Variants in UFSP2 observed in about 807,000 individuals in gnomAD.
UFSP2 encodes UFM1 specific peptidase 2, also known as ufm1-specific protease 2.
A neutral mutation model predicts 60.2 loss-of-function variants in UFSP2; 43 were observed. The ratio of observed to expected loss-of-function variants is 0.71; its 90% CI spans 0.56 to 0.92. The LOEUF is 0.92. Ranked by LOEUF, UFSP2 falls within the 40% of genes least tolerant of loss-of-function variation. The pLI is 0.00. For synonymous variants in UFSP2, 183 were observed against 195.1 expected (o/e 0.94, Z 0.52); for missense variants, 520 against 575.0 (o/e 0.90, Z 0.98).
intron 11 of UFSP2, chr4:185,402,169 C>G (rs1380075587): frequency 1.4e-5 from 5 of 351,010 alleles, no homozygotes; most frequent in Non-Finnish European, 2.8e-5. Flanking sequence ...AAGGTTTTAG[C>G]TCCCGAAAAA....
intron 6 of UFSP2, among the ~76,000 whole-genome samples, chr4:185,414,927 C>T (rs1223209907): frequency 2.0e-5 from 3 of 152,078 alleles, no homozygotes; most frequent in African/African-American, 4.8e-5. Context: ...CCACACCGAG[C>T]ATTTAAAATT....
rs547373836 is a variant in UFSP2 at position 185,418,668 on chromosome 4, A to G, written c.185T>C (p.Ile62Thr). 14 of 1,614,072 alleles carry G rather than the reference A, an allele frequency of 8.7e-6. No individual in the cohort carries two copies. The South Asian group carries it at 1.5e-4, about 18-fold the overall frequency. ...GGTGTTTATGTCACTGCTAGGCCAT[A>G]TATACACTGAACTGTGGCAAATTCT... is the stretch of plus-strand genomic sequence containing the variant. ...VFRICHSSVYIWPSSDINTIP... is the reference protein window; with the variant it reads ...VFRICHSSVYTWPSSDINTIP... The change falls in exon 3 of 12, where the codon ATA becomes ACA. Residue 62 changes from isoleucine (I) to threonine (T), a missense_variant. Ile to Thr is a moderately conservative substitution (Grantham distance 89). Transcript: ENST00000264689.
intron 1 of UFSP2, 109 bp downstream of exon 1, chr4:185,425,757 C>A (rs2095558793): frequency 6.6e-7 from 1 of 1,514,268 alleles, no homozygotes; most frequent in African/African-American, 1.4e-5. Flanking sequence ...CAGCTGCCAT[C>A]TTGGACCCCG....
At chr4:185,421,299 C>G (rs942562771) in intron 2 of UFSP2, among the ~76,000 whole-genome samples, 2 of 152,216 alleles carry the variant, frequency 1.3e-5, no homozygotes, top group Non-Finnish European at 2.9e-5. Context: ...CAGCTGCAAT[C>G]TCCTTCAAGG....
In UFSP2 at chr4:185,419,233, G is replaced by A. The variant is rs1295704897; in HGVS notation, c.83-463C>T. On this transcript the variant is annotated intron_variant, in intron 2 of 11. Coordinates refer to ENST00000264689, the MANE Select transcript of UFSP2 (RefSeq NM_018359.5). ...TGCAAGCTCCGCCTCCCGGGTTCAC[G>A]CCATTCTCCTGCCTCAGCCTCCCGA... is the stretch of plus-strand genomic sequence containing the variant. 2.6e-5 allele frequency among the ~76,000 whole-genome samples: 4 copies of A among 152,112 alleles called. No homozygotes were observed. In the East Asian group the frequency reaches 5.8e-4, roughly 22 times the overall value.
At chr4:185,406,625 G>A (rs2095520792) in intron 9 of UFSP2, among the ~76,000 whole-genome samples, 1 of 152,168 alleles carries the variant, frequency 6.6e-6, no homozygotes, top group South Asian at 2.1e-4. Flanking sequence ...GCCCAGGCTG[G>A]AGTGGAGTGG....
At chr4:185,400,514 A>G in intron 11 of UFSP2, 36 bp from the exon 12 acceptor site, 1 of 1,510,950 alleles carries the variant, frequency 6.6e-7, no homozygotes, top group East Asian at 2.3e-5. Flanking sequence ...AGCCTTTTAC[A>G]AAGTTACAAG....
chr4:185,405,724 A>G lies in UFSP2; in HGVS notation c.1198+56T>C, dbSNP rs1420313570. On this transcript the variant is annotated intron_variant, in intron 10 of 11. Transcript: ENST00000264689. ...TATGCAACATTAAATATTTATATCA[A>G]TGATAAGTTTTGCATATTACTCACT... 2.6e-6 allele frequency: 4 copies of G among 1,542,776 alleles called. No homozygotes were observed. In the African/African-American group the frequency reaches 4.1e-5, roughly 16 times the overall value.
chr4:185,408,649 C>T (rs1342504847), intron 7 of UFSP2, among the ~76,000 whole-genome samples: 1 of 152,190 alleles, frequency 6.6e-6, no homozygotes, highest in Non-Finnish European at 1.5e-5. Flanking sequence ...CAGGACCTAC[C>T]TTCTGGCCTC....
intron 10 of UFSP2, among the ~76,000 whole-genome samples, chr4:185,403,832 C>T (rs1277734747): frequency 1.3e-5 from 2 of 151,640 alleles, no homozygotes; most frequent in Non-Finnish European, 2.9e-5. Context: ...AAAAAAATAG[C>T]TGGGCTTGGT....
At chr4:185,406,039 A>G in intron 9 of UFSP2, 183 bp from the exon 10 acceptor site, 2 of 1,315,932 alleles carry the variant, frequency 1.5e-6, no homozygotes, top group South Asian at 1.3e-5. Context: ...AAGCAACATA[A>G]ACTCAAAATA....
At chr4:185,406,842 C>T (rs1431128542) in intron 9 of UFSP2, among the ~76,000 whole-genome samples, 1 of 152,060 alleles carries the variant, frequency 6.6e-6, no homozygotes, top group African/African-American at 2.4e-5. Flanking sequence ...TCCCAAAGTG[C>T]TGGGATTACA....
chr4:185,422,131 G>C (rs1236135805), intron 2 of UFSP2, among the ~76,000 whole-genome samples: 1 of 152,180 alleles, frequency 6.6e-6, no homozygotes, highest in Admixed American at 6.5e-5. Context: ...AAGAGAGTAG[G>C]TTCTGGAGAC....
intron 7 of UFSP2, among the ~76,000 whole-genome samples, chr4:185,408,950 ATGACT>A (rs1424495938): frequency 6.6e-6 from 1 of 152,066 alleles, no homozygotes; most frequent in African/African-American, 2.4e-5. Context: ...AAAGTATATC[ATGACT>A]TGATATACTT....
intron 7 of UFSP2, 93 bp from the exon 8 acceptor site, chr4:185,408,528 G>T (rs780212024): frequency 1.6e-5 from 20 of 1,268,792 alleles, no homozygotes; most frequent in Non-Finnish European, 2.2e-5. Context: ...TGTTCTTAGA[G>T]TTAGACTGTT....
chr4:185,403,972 A>C lies in UFSP2; in HGVS notation c.1199-354T>G, dbSNP rs564732082. Among the ~76,000 whole-genome samples the C allele has an allele frequency of 2.0e-5, 3 of 149,600 alleles. 1 individual carries two copies. Among genetic ancestry groups the C allele is most frequent in the Non-Finnish European group, 4.5e-5 (3 of 67,282 alleles). ...GGCGACACAGCAAGACTCTCAAAAAAAAAAACAAAAAAAAACAACATTACT... is the reference window on the plus strand; with the variant it reads ...GGCGACACAGCAAGACTCTCAAAAACAAAAACAAAAAAAAACAACATTACT... On this transcript the variant is annotated intron_variant, in intron 10 of 11. Coordinates refer to ENST00000264689, the MANE Select transcript of UFSP2 (RefSeq NM_018359.5).
At chr4:185,417,220 A>G (rs188395360) in intron 4 of UFSP2, among the ~76,000 whole-genome samples, 1 of 152,310 alleles carries the variant, frequency 6.6e-6, no homozygotes, top group Admixed American at 6.5e-5. Flanking sequence ...AATAACAAGG[A>G]AGCATAAAAC....
rs751850418 is a variant in UFSP2, at chr4:185,415,323, T to C, written c.516A>G (p.Ala172=). The change falls in exon 6 of 12, where the codon GCA becomes GCG. Residue 172 remains alanine (A), a synonymous_variant. Coordinates refer to ENST00000264689, the MANE Select transcript of UFSP2 (RefSeq NM_018359.5). ...CCATGTCAGTTAGTTGATTATGAAT[T>C]GCATCAACCAGGAGTTTACGAACTC... ...WGKVRKLLVD[A]IHNQLTDMEK... is the part of the protein sequence containing the mutation. 11 of 1,592,754 alleles carry C rather than the reference T, an allele frequency of 6.9e-6. No individual in the cohort carries two copies. The East Asian group carries it at 2.5e-4, about 36-fold the overall frequency.
At chr4:185,402,480 A>C in intron 11 of UFSP2, 1 of 289,852 alleles carries the variant, frequency 3.5e-6, no homozygotes, top group Non-Finnish European at 7.0e-6. Flanking sequence ...ACACACATTA[A>C]AAACTTTTTT....
Sources: gnomAD v4.1 joint callset for allele counts (sites outside exome capture counted in the v4.1 genomes callset) on GRCh38, gnomAD v4.1.1 for gene constraint, MANE v1.5 for transcripts, NCBI Gene and HGNC (gene_info 2026-07-23, HGNC 2026-07-21) for gene names.